Variants in IL1RAPL1 observed in about 807,000 individuals in gnomAD.
The protein encoded by IL1RAPL1 is interleukin-1 receptor accessory protein-like 1.
IL1RAPL1 carries 3 observed loss-of-function variants against 48.4 expected under a neutral mutation model. That is an observed-to-expected ratio of 0.06 (90% confidence interval 0.03 to 0.16). The LOEUF (loss-of-function observed/expected upper bound fraction) is 0.16, where lower values mean the gene tolerates loss of function less well. Ranked by LOEUF, IL1RAPL1 falls within the 10% of genes least tolerant of loss-of-function variation. The pLI is 1.00. For missense variants in IL1RAPL1, 349 were observed against 530.6 expected, an observed-to-expected ratio of 0.66 and a Z score of 3.36; for synonymous variants, 185 against 187.7, an observed-to-expected ratio of 0.99 and a Z score of 0.12.
chrX:29,330,339 C>T (rs1164145124), intron 3 of IL1RAPL1, among the ~76,000 whole-genome samples: 1 of 111,748 alleles, frequency 8.9e-6, no homozygotes, highest in African/African-American at 3.3e-5. Flanking sequence ...AAGGTAGCAT[C>T]TAAAACTCTG....
intron 2 of IL1RAPL1, among the ~76,000 whole-genome samples, chrX:29,118,907 G>A (rs1928727486): frequency 9.0e-6 from 1 of 111,619 alleles, no homozygotes; most frequent in Non-Finnish European, 1.9e-5. Context: ...ACACATATAT[G>A]ATATCCTAAC....
intron 6 of IL1RAPL1, among the ~76,000 whole-genome samples, chrX:29,891,506 A>G (rs1457334623): frequency 9.0e-6 from 1 of 111,593 alleles, no homozygotes; most frequent in African/African-American, 3.3e-5. Context: ...GGATTCTATG[A>G]GCCTCCTCTA....
Position 28,621,871 on chromosome X carries a change from A to T in IL1RAPL1, c.-25+33824A>T, listed in dbSNP as rs1437624124. ...ATGCATGTCCATAGATAGACAATGT[A>T]TACTGAAAACACAGCATCAGTATTA... On this transcript the variant is annotated intron_variant, in intron 1 of 10. Coordinates refer to ENST00000378993, the MANE Select transcript of IL1RAPL1 (RefSeq NM_014271.4). Among the ~76,000 whole-genome samples, 6 of 111,855 alleles carry T rather than the reference A, an allele frequency of 5.4e-5. No individual in the cohort carries two copies. In the East Asian group the frequency reaches 1.7e-3, roughly 31 times the overall value.
At chrX:29,333,599 C>A (rs1932919434) in intron 3 of IL1RAPL1, among the ~76,000 whole-genome samples, 1 of 94,421 alleles carries the variant, frequency 1.1e-5, no homozygotes, top group Non-Finnish European at 2.1e-5. Flanking sequence ...CCCCACCTCC[C>A]TCCCAGACGG....
intron 1 of IL1RAPL1, 140 bp from the exon 2 acceptor site, chrX:28,789,177 TATA>T (rs1252873932): frequency 4.6e-6 from 2 of 436,629 alleles, no homozygotes; most frequent in East Asian, 7.9e-5. Context: ...TATGGGAAAA[TATA>T]ATAGAAATCC....
intron 6 of IL1RAPL1, among the ~76,000 whole-genome samples, chrX:29,853,617 AATT>A (rs748033122): frequency 8.9e-6 from 1 of 112,131 alleles, no homozygotes; most frequent in South Asian, 3.7e-4. Context: ...ATTAAAAGTT[AATT>A]ATTAAGGCAA....
At chrX:29,257,169 C>T (rs908705005) in intron 2 of IL1RAPL1, among the ~76,000 whole-genome samples, 1 of 111,306 alleles carries the variant, frequency 9.0e-6, no homozygotes, top group African/African-American at 3.3e-5. Flanking sequence ...TTCATTTTTC[C>T]TTGTTCTTCT....
At chrX:28,704,712 C>T (rs1404669208) in intron 1 of IL1RAPL1, among the ~76,000 whole-genome samples, 1 of 102,957 alleles carries the variant, frequency 9.7e-6, no homozygotes, top group Non-Finnish European at 2.0e-5. Context: ...GAGCCCAGAC[C>T]TGAATAAGAA....
intron 1 of IL1RAPL1, among the ~76,000 whole-genome samples, chrX:28,755,076 C>T (rs1936091732): frequency 9.0e-6 from 1 of 111,729 alleles, no homozygotes; most frequent in South Asian, 3.7e-4. Context: ...TCACCGCAAC[C>T]TCTGCCTCCC....
chrX:29,604,366 G>T (rs1183673973), intron 5 of IL1RAPL1, among the ~76,000 whole-genome samples: 3 of 112,361 alleles, frequency 2.7e-5, no homozygotes, highest in African/African-American at 9.7e-5. Flanking sequence ...TTTTCTTCTA[G>T]TATTCCAATG....
chrX:29,361,362 A>C (rs180782695), intron 3 of IL1RAPL1, among the ~76,000 whole-genome samples: 1 of 112,201 alleles, frequency 8.9e-6, no homozygotes, highest in African/African-American at 3.2e-5. Flanking sequence ...TAGTGGGCTC[A>C]TAACCAGAGT....
At chrX:29,615,341 TG>T (rs1924254188) in intron 5 of IL1RAPL1, among the ~76,000 whole-genome samples, 1 of 110,636 alleles carries the variant, frequency 9.0e-6, no homozygotes, top group Non-Finnish European at 1.9e-5. Context: ...AAATATCCAT[TG>T]CTTGTGAATC....
At chrX:28,947,141 A>C (rs1924325876) in intron 2 of IL1RAPL1, among the ~76,000 whole-genome samples, 1 of 111,466 alleles carries the variant, frequency 9.0e-6, no homozygotes, top group Admixed American at 9.6e-5. Context: ...TAGGTGTCTC[A>C]GACTCGAAGT....
intron 2 of IL1RAPL1, among the ~76,000 whole-genome samples, chrX:28,999,013 T>A (rs1021699445): frequency 2.7e-5 from 3 of 112,004 alleles, no homozygotes; most frequent in Admixed American, 9.5e-5. Context: ...TTGTGAGCTT[T>A]CCAAGTCCCT....
At chrX:29,364,563 A>AG (rs1491198752) in intron 3 of IL1RAPL1, among the ~76,000 whole-genome samples, 2 of 40,054 alleles carry the variant, frequency 5.0e-5, no homozygotes, top group Admixed American at 3.3e-4. Flanking sequence ...ACTCTATCTC[A>AG]AAAAAAAAAA....
At chrX:28,777,775 A>G (rs1312629744) in intron 1 of IL1RAPL1, among the ~76,000 whole-genome samples, 1 of 110,997 alleles carries the variant, frequency 9.0e-6, no homozygotes, top group Non-Finnish European at 1.9e-5. Flanking sequence ...ATTATTTGGA[A>G]CATTAGGAGA....
At chrX:29,905,326 CTAATACT>C (rs1932586842) in intron 6 of IL1RAPL1, among the ~76,000 whole-genome samples, 1 of 111,224 alleles carries the variant, frequency 9.0e-6, no homozygotes, top group South Asian at 3.8e-4. Context: ...CCTGTTCACT[CTAATACT>C]AGTTTCTTTT....
At chrX:29,501,252 C>G (rs937815435) in intron 5 of IL1RAPL1, among the ~76,000 whole-genome samples, 2 of 111,226 alleles carry the variant, frequency 1.8e-5, no homozygotes, top group African/African-American at 6.5e-5. Flanking sequence ...TGTGTTGTCT[C>G]TTTACTTTGT....
chrX:29,475,195 C>T (rs918377879), intron 5 of IL1RAPL1, among the ~76,000 whole-genome samples: 1 of 111,935 alleles, frequency 8.9e-6, no homozygotes, highest in African/African-American at 3.3e-5. Flanking sequence ...CCTATTTATA[C>T]TACACTGCAG....
Sources: gnomAD v4.1 joint callset for allele counts (sites outside exome capture counted in the v4.1 genomes callset) on GRCh38, gnomAD v4.1.1 for gene constraint, MANE v1.5 for transcripts, NCBI Gene and HGNC (gene_info 2026-07-23, HGNC 2026-07-21) for gene names.